TEAD4: variants seen among roughly 807,000 people sequenced by gnomAD.
TEAD4 encodes transcriptional enhancer factor TEF-3.
TEAD4 carries 36 observed loss-of-function variants against 52.4 expected under a neutral mutation model. The ratio of observed to expected loss-of-function variants is 0.69; its 90% CI spans 0.53 to 0.91. The LOEUF is 0.91. TEAD4 is among the 40% of genes least tolerant of loss of function. TEAD4 has a pLI of 0.00. For missense variants in TEAD4, 508 were observed against 583.9 expected, an observed-to-expected ratio of 0.87 and a Z score of 1.34; for synonymous variants, 220 against 231.0, an observed-to-expected ratio of 0.95 and a Z score of 0.43.
chr12:3,017,761 G>A lies in TEAD4; in HGVS notation c.483+235G>A, dbSNP rs1033661711. Among the ~76,000 whole-genome samples the A allele has an allele frequency of 2.0e-5, 3 of 152,204 alleles. No homozygotes were observed. In the East Asian group the frequency reaches 5.8e-4, roughly 29 times the overall value. ...AATGACTCCACAGACTTCACAAGGGGGAAGGGGGAGCTTCCAGGAGCTGAC... is the reference window on the plus strand; with the variant it reads ...AATGACTCCACAGACTTCACAAGGGAGAAGGGGGAGCTTCCAGGAGCTGAC... On this transcript the variant is annotated intron_variant, in intron 6 of 12. Transcript: ENST00000359864.
At chr12:3,005,173 C>T (rs565158399) in intron 3 of TEAD4, among the ~76,000 whole-genome samples, 2 of 152,344 alleles carry the variant, frequency 1.3e-5, no homozygotes, top group South Asian at 2.1e-4. Context: ...CAGTGGTGCT[C>T]ACAGCAGCAG....
In TEAD4 at chr12:2,994,709, C is replaced by T; in HGVS notation, c.-29-29C>T. 3.3e-6 allele frequency: 5 copies of T among 1,534,898 alleles called. No homozygotes were observed. Among genetic ancestry groups the T allele is most frequent in the Non-Finnish European group, 4.4e-6 (5 of 1,142,824 alleles). ...TGGCCCACGCAGTTCTTCCACTGCTCACCGGGGCTGTGGTTCCTGTCCCCA... is the reference window on the plus strand; with the variant it reads ...TGGCCCACGCAGTTCTTCCACTGCTTACCGGGGCTGTGGTTCCTGTCCCCA... On this transcript the variant is annotated intron_variant, in intron 2 of 12. Coordinates refer to ENST00000359864, the MANE Select transcript of TEAD4 (RefSeq NM_003213.4). This position sits in a 1 kb window ranked among gnomAD's most constrained non-coding sequence, Gnocchi z 4.7.
intron 3 of TEAD4, among the ~76,000 whole-genome samples, chr12:3,004,009 C>A (rs1306079226): frequency 4.6e-5 from 7 of 152,212 alleles, no homozygotes; most frequent in African/African-American, 1.7e-4. Context: ...TACCTGTAGG[C>A]CCACGCTCCC....
At chr12:2,986,511 G>A (rs547531381) in intron 2 of TEAD4, among the ~76,000 whole-genome samples, 23 of 151,480 alleles carry the variant, frequency 1.5e-4, no homozygotes, top group Admixed American at 1.3e-3. Context: ...GTGGTGGTAC[G>A]TGCCTGTAAT....
intron 5 of TEAD4, among the ~76,000 whole-genome samples, chr12:3,016,446 T>C (rs575878211): frequency 9.9e-5 from 15 of 152,180 alleles, no homozygotes; most frequent in African/African-American, 3.6e-4. Context: ...TGGTCTTATT[T>C]TGGATAATCC....
chr12:3,021,763 G>A (rs778160055), intron 9 of TEAD4, 81 bp from the exon 10 acceptor site: 51 of 1,499,018 alleles, frequency 3.4e-5, no homozygotes, highest in South Asian at 1.1e-4. Flanking sequence ...ACCAGGTCAC[G>A]TGGTGGGCAC....
rs375973107 is a variant in TEAD4 at position 2,969,866 on chromosome 12, A to T, written c.-30+9826A>T. The stretch of plus-strand genomic sequence containing the variant: ...CCCACAACCCCAGAGAGCAGTGGCT[A>T]TCAGTGCAGACTCCAGAGTGGTGCT... On this transcript the variant is annotated intron_variant, in intron 2 of 12. Transcript: ENST00000359864. 3.9e-5 allele frequency among the ~76,000 whole-genome samples: 6 copies of T among 152,230 alleles called. No individual in the cohort carries two copies. In the East Asian group the frequency reaches 5.8e-4, roughly 15 times the overall value.
intron 11 of TEAD4, 67 bp from the exon 12 acceptor site, chr12:3,040,040 G>T: frequency 6.3e-7 from 1 of 1,589,540 alleles, no homozygotes; most frequent in Non-Finnish European, 8.6e-7. Context: ...CCTTCCCGTG[G>T]AGTTGGGTCT....
chr12:3,037,023 A>G (rs920667083), intron 10 of TEAD4, among the ~76,000 whole-genome samples: 3 of 152,168 alleles, frequency 2.0e-5, no homozygotes, highest in African/African-American at 7.2e-5. Context: ...AGATCAGCAC[A>G]GAGTCTTACT....
chr12:3,018,451 G>T, intron 6 of TEAD4, 94 bp from the exon 7 acceptor site: 1 of 1,476,612 alleles, frequency 6.8e-7, no homozygotes, highest in South Asian at 1.1e-5. Flanking sequence ...TCTCCTCCCA[G>T]TGGAGGCCCT....
intron 2 of TEAD4, among the ~76,000 whole-genome samples, chr12:2,990,459 A>ATTTTTT (rs1364654221): frequency 1.6e-5 from 1 of 60,774 alleles, no homozygotes; most frequent in African/African-American, 7.7e-5. Context: ...AAGACAGATA[A>ATTTTTT]TCTTTTTTTT....
At chr12:3,026,597 T>C (rs1335058052) in intron 10 of TEAD4, among the ~76,000 whole-genome samples, 1 of 152,246 alleles carries the variant, frequency 6.6e-6, no homozygotes, top group Non-Finnish European at 1.5e-5. Context: ...CATAATTAGT[T>C]GTGTGGCTGC....
At chr12:3,038,294 CTAACCAGAGCCATTGCTGCCCTT>C (rs2098280639) in intron 11 of TEAD4, among the ~76,000 whole-genome samples, 186 bp downstream of exon 11, 1 of 152,230 alleles carries the variant, frequency 6.6e-6, no homozygotes, top group South Asian at 2.1e-4. Flanking sequence ...TCCTGCCCAG[CTAACCAGAGCCATTGCTGCCCTT>C]TCAGGATCTT....
intron 10 of TEAD4, among the ~76,000 whole-genome samples, chr12:3,032,661 T>C (rs1238347724): frequency 1.3e-5 from 2 of 152,180 alleles, no homozygotes; most frequent in African/African-American, 4.8e-5. Flanking sequence ...CGGCTGGTAC[T>C]GAGTGGGGGG....
chr12:2,992,503 A>C (rs1162682567), intron 2 of TEAD4, among the ~76,000 whole-genome samples: 1 of 152,012 alleles, frequency 6.6e-6, no homozygotes. Flanking sequence ...TCCTTCTCAC[A>C]GGCCATGGGT....
At chr12:2,967,280 T>C (rs997419569) in intron 2 of TEAD4, among the ~76,000 whole-genome samples, 2 of 152,158 alleles carry the variant, frequency 1.3e-5, no homozygotes, top group African/African-American at 4.8e-5. Context: ...TCTATATATT[T>C]TAACATAATT....
At chr12:3,005,844 C>T (rs1351468847) in intron 3 of TEAD4, among the ~76,000 whole-genome samples, 1 of 152,046 alleles carries the variant, frequency 6.6e-6, no homozygotes, top group Non-Finnish European at 1.5e-5. Flanking sequence ...CACTATGTTG[C>T]CCAGGCTGAT....
chr12:3,037,448 GCGAGA>G (rs1402527866), intron 10 of TEAD4, among the ~76,000 whole-genome samples: 2 of 152,136 alleles, frequency 1.3e-5, no homozygotes, highest in Non-Finnish European at 2.9e-5. Context: ...CAGGTCTCTG[GCGAGA>G]CAAGAGGATG....
At chr12:3,033,369 C>T (rs1243885755) in intron 10 of TEAD4, among the ~76,000 whole-genome samples, 1 of 152,220 alleles carries the variant, frequency 6.6e-6, no homozygotes, top group Non-Finnish European at 1.5e-5. Flanking sequence ...GAGCGAGGGA[C>T]TGATGCGATG....
Sources: gnomAD v4.1 joint callset for allele counts (sites outside exome capture counted in the v4.1 genomes callset) on GRCh38, gnomAD v4.1.1 for gene constraint, Gnocchi (gnomAD v3.1) non-coding constraint, MANE v1.5 for transcripts, NCBI Gene and HGNC (gene_info 2026-07-23, HGNC 2026-07-21) for gene names.